Variants in PARN observed in about 807,000 individuals in gnomAD.
PARN encodes poly(A)-specific ribonuclease, also known as poly(A)-specific ribonuclease PARN.
In PARN, 71 loss-of-function variants were observed where a neutral mutation model predicts 102.8. The ratio of observed to expected loss-of-function variants is 0.69; its 90% CI spans 0.57 to 0.84. The LOEUF is 0.84. PARN is among the 40% of genes least tolerant of loss of function. The pLI is 0.00. For synonymous variants in PARN, 261 were observed against 252.9 expected (o/e 1.03, Z -0.30); for missense variants, 782 against 760.9 (o/e 1.03, Z -0.33).
intron 21 of PARN, among the ~76,000 whole-genome samples, chr16:14,535,735 A>G (rs982399968): frequency 6.6e-6 from 1 of 152,212 alleles, no homozygotes; most frequent in African/African-American, 2.4e-5. Context: ...ATTGTTATAA[A>G]TGTTCTGTTT....
rs56403427 is a variant in PARN, at chr16:14,530,975, T to TCATCCATCCATC, written c.1480+21034_1480+21045dup. ...TTCATTCATGCATGCATTCATTCAT[T>TCATCCATCCATC]CATCCATCCATCCATCCATCCATCC... is the stretch of plus-strand genomic sequence containing the variant. On this transcript the variant is annotated intron_variant, in intron 21 of 23. Coordinates refer to ENST00000437198, the MANE Select transcript of PARN (RefSeq NM_002582.4). Among the ~76,000 whole-genome samples, 1,409 of 151,488 alleles carry TCATCCATCCATC rather than the reference T, an allele frequency of 9.3e-3. 7 individuals are homozygous for TCATCCATCCATC. The highest frequency in any genetic ancestry group is 0.016 in the African/African-American group (654 of 41,368).
chr16:14,445,713 C>T (rs769162646), intron 23 of PARN, among the ~76,000 whole-genome samples: 2 of 152,216 alleles, frequency 1.3e-5, no homozygotes, highest in Non-Finnish European at 2.9e-5. Flanking sequence ...CCGGCATGCG[C>T]CACCACACCT....
intron 18 of PARN, among the ~76,000 whole-genome samples, chr16:14,557,557 CA>C (rs751028710): frequency 4.7e-3 from 170 of 36,520 alleles, no homozygotes; most frequent in Middle Eastern, 0.011. Context: ...AACTCTGCCT[CA>C]AAAAAAAAAA....
chr16:14,561,045 T>C (rs1968023395), intron 18 of PARN, among the ~76,000 whole-genome samples: 1 of 150,730 alleles, frequency 6.6e-6, no homozygotes, highest in Admixed American at 6.6e-5. Context: ...TAATCCCAGC[T>C]ACTTAGGAGG....
chr16:14,618,917 C>T (rs1490524712), intron 5 of PARN, among the ~76,000 whole-genome samples: 1 of 152,078 alleles, frequency 6.6e-6, no homozygotes, highest in African/African-American at 2.4e-5. Flanking sequence ...AAAGAGAAAC[C>T]AGGCACGGTG....
chr16:14,535,202 T>C (rs1220847782), intron 21 of PARN, among the ~76,000 whole-genome samples: 1 of 152,200 alleles, frequency 6.6e-6, no homozygotes, highest in Admixed American at 6.5e-5. Flanking sequence ...CTAACCTAGA[T>C]GTTAGTGAGT....
chr16:14,529,972 A>T (rs971297209), intron 21 of PARN, among the ~76,000 whole-genome samples: 3 of 144,890 alleles, frequency 2.1e-5, no homozygotes, highest in Admixed American at 2.0e-4. Flanking sequence ...CGATTCCTTA[A>T]TCTCAGCTTC....
At chr16:14,568,463 G>T (rs1371180971) in intron 18 of PARN, among the ~76,000 whole-genome samples, 7 of 151,448 alleles carry the variant, frequency 4.6e-5, no homozygotes, top group Non-Finnish European at 7.4e-5. Context: ...AAAAATAGCT[G>T]GGTGTGGTAG....
intron 23 of PARN, 59 bp downstream of exon 23, chr16:14,446,829 G>A: frequency 8.0e-7 from 1 of 1,251,038 alleles, no homozygotes; most frequent in Non-Finnish European, 1.1e-6. Context: ...CAAAATAGGA[G>A]TTTCTAGAGC....
At chr16:14,501,445 A>AAAAAAAAAAAAAAAAAAAAAAAAC (rs1964599106) in intron 21 of PARN, 1 of 125,106 alleles carries the variant, frequency 8.0e-6, no homozygotes, top group Non-Finnish European at 1.6e-5. Context: ...CAAAAAAAAA[A>AAAAAAAAAAAAAAAAAAAAAAAAC]AAAAAAAAAA....
intron 21 of PARN, among the ~76,000 whole-genome samples, chr16:14,508,277 C>G (rs1964998968): frequency 6.6e-6 from 1 of 152,018 alleles, no homozygotes; most frequent in Non-Finnish European, 1.5e-5. Flanking sequence ...CATCTGTAAT[C>G]CCAGCACTTT....
intron 6 of PARN, among the ~76,000 whole-genome samples, chr16:14,615,523 T>G (rs1971838895): frequency 6.6e-6 from 1 of 152,098 alleles, no homozygotes; most frequent in Non-Finnish European, 1.5e-5. Context: ...TGTGAAGCAG[T>G]TTTGGCTCAA....
intron 21 of PARN, among the ~76,000 whole-genome samples, chr16:14,490,407 A>G (rs1963998829): frequency 6.6e-6 from 1 of 152,166 alleles, no homozygotes; most frequent in South Asian, 2.1e-4. Context: ...ATGCAGAGTT[A>G]ACACAGGCAT....
intron 12 of PARN, among the ~76,000 whole-genome samples, chr16:14,599,640 T>C (rs781089649): frequency 6.6e-6 from 1 of 152,216 alleles, no homozygotes; most frequent in Admixed American, 6.5e-5. Context: ...TTGGTTTCCA[T>C]GTAGCCATAT....
intron 19 of PARN, among the ~76,000 whole-genome samples, chr16:14,555,098 A>C (rs1967585271): frequency 6.6e-6 from 1 of 152,204 alleles, no homozygotes; most frequent in Admixed American, 6.5e-5. Flanking sequence ...CATTGCAACA[A>C]TTATTGTCAC....
intron 21 of PARN, among the ~76,000 whole-genome samples, chr16:14,550,377 A>C (rs1967218349): frequency 6.6e-6 from 1 of 152,226 alleles, no homozygotes; most frequent in Non-Finnish European, 1.5e-5. Flanking sequence ...GCTATTAAAG[A>C]ACCACAGTAA....
At chr16:14,623,518 CA>C (rs1400617487) in intron 5 of PARN, among the ~76,000 whole-genome samples, 1 of 137,042 alleles carries the variant, frequency 7.3e-6, no homozygotes, top group African/African-American at 2.7e-5. Context: ...ATCTCAAAAA[CA>C]AAAAAAAAGA....
intron 2 of PARN, among the ~76,000 whole-genome samples, chr16:14,628,934 T>G (rs1972850011): frequency 6.6e-6 from 1 of 152,220 alleles, no homozygotes; most frequent in Non-Finnish European, 1.5e-5. Flanking sequence ...GTCAGTGAAG[T>G]ATTTCCTGTA....
intron 22 of PARN, among the ~76,000 whole-genome samples, chr16:14,467,421 T>A (rs1046491049): frequency 6.6e-6 from 1 of 152,230 alleles, no homozygotes; most frequent in Admixed American, 6.5e-5. Context: ...GGGGTTAATT[T>A]GCAATTATAG....
Sources: allele counts gnomAD v4.1 joint callset (sites outside exome capture counted in the v4.1 genomes callset), GRCh38; gene constraint gnomAD v4.1.1; transcripts MANE v1.5; gene names NCBI Gene and HGNC (gene_info 2026-07-23, HGNC 2026-07-21).